Variants in TIAM2 observed in about 807,000 individuals in gnomAD.
The protein encoded by TIAM2 is rho guanine nucleotide exchange factor TIAM2.
In TIAM2, 80 loss-of-function variants were observed where a neutral mutation model predicts 152.9. The observed-to-expected ratio is 0.52, with a 90% CI of 0.44 to 0.63. TIAM2 has a LOEUF of 0.63. Among genes scored for constraint, TIAM2 ranks in the 30% least tolerant of loss-of-function variants. The probability of loss-of-function intolerance (pLI) is 0.00; values close to 1 mark genes in which losing one functional copy is unlikely to be tolerated. For synonymous variants in TIAM2, 804 were observed against 838.0 expected (o/e 0.96, Z 0.70); for missense variants, 1,965 against 2,120.1 (o/e 0.93, Z 1.44).
Position 155,248,097 on chromosome 6 carries a change from G to C in TIAM2, c.3750G>C (p.Gln1250His). Residue 1250 changes from glutamine to histidine, a missense_variant, in exon 20 of 27, where the codon CAG (glutamine) becomes CAC (histidine). This residue lies in a region of TIAM2 where 935 missense variants were observed against 980.0 expected (regional missense o/e 0.95). Coordinates refer to ENST00000682666, the MANE Select transcript of TIAM2 (RefSeq NM_012454.4). ...AGTCCTACCTCATCAAGCCGGTTCA[G>C]AGAGTGCTCAAGTACCCGCTGCTGC... ...TLESYLIKPVQRVLKYPLLLK... is the reference protein window; with the variant it reads ...TLESYLIKPVHRVLKYPLLLK... 6.2e-7 allele frequency: 1 copy of C among 1,614,178 alleles called. No individual in the cohort carries two copies.
chr6:155,191,643 T>C (rs1276221569), intron 14 of TIAM2, among the ~76,000 whole-genome samples: 1 of 152,022 alleles, frequency 6.6e-6, no homozygotes, highest in Non-Finnish European at 1.5e-5. Context: ...AATACAAAAA[T>C]TAGCCAGGCG....
chr6:155,172,651 T>TATATATATATATATATATATAG (rs1780615572), intron 9 of TIAM2, among the ~76,000 whole-genome samples: 29 of 14,818 alleles, frequency 2.0e-3, no homozygotes, highest in African/African-American at 7.3e-3. Flanking sequence ...AATATATATA[T>TATATATATATATATATATATAG]ATATATATAT....
intron 1 of TIAM2, among the ~76,000 whole-genome samples, chr6:155,028,096 T>G: frequency 8.7e-6 from 1 of 115,336 alleles, no homozygotes; most frequent in Non-Finnish European, 1.7e-5. Flanking sequence ...ACATATATAC[T>G]ATATATAATA....
intron 14 of TIAM2, among the ~76,000 whole-genome samples, chr6:155,195,203 G>A (rs1023513024): frequency 6.6e-6 from 1 of 152,232 alleles, no homozygotes; most frequent in Admixed American, 6.5e-5. Context: ...GGGAGCTGTG[G>A]CTTTGTTTAT....
At chr6:155,250,029 C>A in intron 21 of TIAM2, 60 bp downstream of exon 21, 2 of 1,311,414 alleles carry the variant, frequency 1.5e-6, no homozygotes, top group Non-Finnish European at 2.1e-6. Flanking sequence ...CTGTAGGTGA[C>A]CTTCTAGATA....
At chr6:155,196,867 C>A (rs1781357880) in intron 14 of TIAM2, among the ~76,000 whole-genome samples, 1 of 152,148 alleles carries the variant, frequency 6.6e-6, no homozygotes, top group Admixed American at 6.5e-5. Context: ...CATATAAATC[C>A]ATTTATCTGT....
intron 1 of TIAM2, among the ~76,000 whole-genome samples, chr6:155,029,873 A>G (rs369894482): frequency 1.3e-5 from 2 of 151,426 alleles, no homozygotes; most frequent in East Asian, 2.0e-4. Context: ...GCTCACTGCA[A>G]CCTCCGCCTC....
Position 154,995,861 on chromosome 6 carries a change from C to G in TIAM2, c.-209+369C>G, listed in dbSNP as rs1450587630. ...AGGCGGCGCCCCGGCCTCCTGATAC[C>G]GAGGTTCTCGCCCAAAGCCGAGCCG... On this transcript the variant is annotated intron_variant, in intron 1 of 26. Transcript: ENST00000682666. This position sits in a 1 kb window ranked among gnomAD's most constrained non-coding sequence, Gnocchi z 5.2. 2.0e-5 allele frequency among the ~76,000 whole-genome samples: 3 copies of G among 152,192 alleles called. No homozygotes were observed. Among genetic ancestry groups the G allele is most frequent in the Non-Finnish European group, 4.4e-5 (3 of 68,030 alleles).
At chr6:155,185,109 A>G (rs4870364) in intron 14 of TIAM2, among the ~76,000 whole-genome samples, 4,076 of 147,040 alleles carry the variant, frequency 0.028, 88 homozygotes, top group South Asian at 0.069. Flanking sequence ...AAGTAGAGAA[A>G]GGGGCAAATT....
intron 15 of TIAM2, among the ~76,000 whole-genome samples, chr6:155,222,701 T>C (rs1384600678): frequency 6.6e-6 from 1 of 152,116 alleles, no homozygotes; most frequent in Non-Finnish European, 1.5e-5. Context: ...TTGGGTAAGT[T>C]GTCAAACTTC....
At chr6:155,241,859 C>G (rs978832399) in intron 16 of TIAM2, among the ~76,000 whole-genome samples, 3 of 152,116 alleles carry the variant, frequency 2.0e-5, no homozygotes, top group Non-Finnish European at 4.4e-5. Flanking sequence ...CGCTGTGTGG[C>G]GCTGTAGATA....
chr6:155,047,667 G>C (rs1777208689), intron 1 of TIAM2, among the ~76,000 whole-genome samples: 1 of 73,370 alleles, frequency 1.4e-5, no homozygotes, highest in Non-Finnish European at 3.0e-5. Context: ...GAGAGAGAGA[G>C]GAGAGAGAGA....
At chr6:155,104,581 C>T (rs988546573) in intron 2 of TIAM2, among the ~76,000 whole-genome samples, 6 of 151,964 alleles carry the variant, frequency 3.9e-5, no homozygotes, top group Admixed American at 2.6e-4. Context: ...CACAGTGAAA[C>T]CCCGTCTCTA....
At chr6:155,062,581 C>CTTTTTTTTTTTT in intron 1 of TIAM2, among the ~76,000 whole-genome samples, 1 of 143,268 alleles carries the variant, frequency 7.0e-6, no homozygotes, top group Non-Finnish European at 1.5e-5. Context: ...TTTTCTTTTT[C>CTTTTTTTTTTTT]TTTTCTTTTT....
In TIAM2 at chr6:155,179,048, T is replaced by C. The variant is rs1380542451; in HGVS notation, c.2533T>C (p.Leu845=). The change falls in exon 11 of 27, where the codon TTG becomes CTG. Residue 845 remains leucine, a synonymous_variant. Coordinates refer to ENST00000682666, the MANE Select transcript of TIAM2 (RefSeq NM_012454.4). ...ILTLACKMRQ[L]EPSHYGLQLR... ...GTCTTTTTCTTTATAGATGAGGCAG[T>C]TGGAACCCAGCCATTATGGCCTACA... The C allele has an allele frequency of 6.2e-7, 1 of 1,613,566 alleles. No individual in the cohort carries two copies. Among genetic ancestry groups the C allele is most frequent in the African/African-American group, 1.3e-5 (1 of 74,924 alleles).
intron 1 of TIAM2, among the ~76,000 whole-genome samples, chr6:155,058,741 A>T (rs1265920717): frequency 6.6e-6 from 1 of 152,212 alleles, no homozygotes; most frequent in Non-Finnish European, 1.5e-5. Flanking sequence ...GAGTCTCCAA[A>T]GCTCATGATG....
At chr6:155,097,106 T>A (rs960601696) in intron 2 of TIAM2, among the ~76,000 whole-genome samples, 2 of 152,260 alleles carry the variant, frequency 1.3e-5, no homozygotes, top group African/African-American at 4.8e-5. Context: ...TGATTAGTGA[T>A]GCTGAGCATT....
At position 155,029,425 on chromosome 6, in the gene TIAM2, ACTATAG is replaced by A. The variant is rs1160006940; in HGVS notation, c.-209+33934_-209+33939del. On this transcript the variant is annotated intron_variant, in intron 1 of 26. Coordinates refer to ENST00000682666, the MANE Select transcript of TIAM2 (RefSeq NM_012454.4). Reference sequence around the variant, plus strand: ...AGTATATATAATATATACTATATATACTATAGTATATATTATACTATAGTATATATT... The same window carrying A: ...AGTATATATAATATATACTATATATATATATATTATACTATAGTATATATT... Among the ~76,000 whole-genome samples, 26 of 10,292 alleles carry A rather than the reference ACTATAG, an allele frequency of 2.5e-3. 3 individuals are homozygous for A. The highest frequency in any genetic ancestry group is 4.6e-3 in the Non-Finnish European group (25 of 5,390). 6.8% of individuals were successfully genotyped at this position (10,292 alleles called of 152,430 possible). A position where few individuals can be genotyped will look rare whatever the true frequency, so the allele number is the denominator to read the frequency against.
intron 1 of TIAM2, among the ~76,000 whole-genome samples, chr6:155,047,700 A>AGGG (rs1336735767): frequency 1.6e-4 from 4 of 25,800 alleles, no homozygotes; most frequent in African/African-American, 5.1e-4. Flanking sequence ...AGAGAGAGAG[A>AGGG]GAGAGCGAGA....
Sources: allele counts gnomAD v4.1 joint callset (sites outside exome capture counted in the v4.1 genomes callset), GRCh38; gene constraint gnomAD v4.1.1; regional missense constraint gnomAD v4.1.1; non-coding constraint Gnocchi (gnomAD v3.1); transcripts MANE v1.5; gene names NCBI Gene and HGNC (gene_info 2026-07-23, HGNC 2026-07-21).